The following ZNF385D variants were observed in gnomAD, a reference collection of about 807,000 sequenced individuals.
ZNF385D encodes zinc finger protein 659.
In ZNF385D, 15 loss-of-function variants were observed where a neutral mutation model predicts 35.8. The ratio of observed to expected loss-of-function variants is 0.42; its 90% CI spans 0.28 to 0.64. The LOEUF is 0.64. Among genes scored for constraint, ZNF385D ranks in the 30% least tolerant of loss-of-function variants. The pLI is 0.23. For synonymous variants in ZNF385D, 212 were observed against 186.8 expected (o/e 1.13, Z -1.10); for missense variants, 474 against 494.6 (o/e 0.96, Z 0.39).
chr3:22,327,269 T>G (rs1694722279), intron 2 of ZNF385D, among the ~76,000 whole-genome samples: 2 of 152,218 alleles, frequency 1.3e-5, no homozygotes, highest in South Asian at 4.1e-4. Flanking sequence ...TAAATAAAAC[T>G]TTACCTCCAA....
intron 3 of ZNF385D, among the ~76,000 whole-genome samples, chr3:21,759,545 A>G (rs1390403435): frequency 6.6e-6 from 1 of 152,194 alleles, no homozygotes; most frequent in Non-Finnish European, 1.5e-5. Flanking sequence ...ACAGAAATAT[A>G]ATAATATGCC....
At chr3:21,879,204 G>C (rs1353621457) in intron 3 of ZNF385D, among the ~76,000 whole-genome samples, 1 of 151,932 alleles carries the variant, frequency 6.6e-6, no homozygotes, top group East Asian at 1.9e-4. Flanking sequence ...AAAATCCTGT[G>C]TTTGTCATGT....
At chr3:21,835,188 C>G (rs186923111) in intron 3 of ZNF385D, among the ~76,000 whole-genome samples, 4 of 151,070 alleles carry the variant, frequency 2.6e-5, no homozygotes, top group African/African-American at 9.7e-5. Context: ...AATCAAAAAC[C>G]AAGAGATGCT....
At chr3:21,996,361 A>G (rs956488770) in intron 3 of ZNF385D, among the ~76,000 whole-genome samples, 16 of 152,074 alleles carry the variant, frequency 1.1e-4, no homozygotes, top group African/African-American at 3.9e-4. Flanking sequence ...CGTGACCAGG[A>G]TGGCTGCTTT....
intron 3 of ZNF385D, among the ~76,000 whole-genome samples, chr3:22,010,646 A>T (rs1341616593): frequency 6.6e-6 from 1 of 152,172 alleles, no homozygotes; most frequent in Non-Finnish European, 1.5e-5. Context: ...GTTCCAATGG[A>T]CCTAATACTA....
At chr3:22,000,525 A>C (rs148992864) in intron 3 of ZNF385D, among the ~76,000 whole-genome samples, 175 of 152,274 alleles carry the variant, frequency 1.1e-3, no homozygotes, top group Non-Finnish European at 2.2e-3. Flanking sequence ...ATGGGCAACC[A>C]ACAGCCCTTG....
At chr3:21,873,217 T>A (rs896877207) in intron 3 of ZNF385D, among the ~76,000 whole-genome samples, 6 of 152,128 alleles carry the variant, frequency 3.9e-5, no homozygotes, top group Non-Finnish European at 7.4e-5. Context: ...TATAAGTGTG[T>A]TCATGCAGCA....
intron 1 of ZNF385D, among the ~76,000 whole-genome samples, chr3:21,708,247 C>G (rs1293901536): frequency 1.3e-5 from 2 of 152,198 alleles, no homozygotes; most frequent in African/African-American, 4.8e-5. Flanking sequence ...GCAGCAGTAA[C>G]TGCTAAGAAC....
rs1700590637 is a variant in ZNF385D, at chr3:21,418,051, G to T, written c.*3163C>A. ...CCTGTTTTCTCATAAGAGAAATACA[G>T]TACCTCCCCAATGACTGTTTCCCAT... is the stretch of plus-strand genomic sequence containing the variant. On this transcript the variant is annotated 3_prime_UTR_variant, in exon 8 of 8. Coordinates refer to ENST00000281523, the MANE Select transcript of ZNF385D (RefSeq NM_024697.3). 1 of 152,136 alleles carries T rather than the reference G, an allele frequency of 6.6e-6. No homozygotes were observed. Among genetic ancestry groups the T allele is most frequent in the Non-Finnish European group, 1.5e-5 (1 of 67,992 alleles). The allele number at this position is 152,136 out of a possible 1,614,324, so 9.4% of individuals were successfully genotyped here. A position where few individuals can be genotyped will look rare whatever the true frequency, so the allele number is the denominator to read the frequency against.
chr3:22,210,193 A>C (rs1169373333), intron 2 of ZNF385D, among the ~76,000 whole-genome samples: 1 of 151,906 alleles, frequency 6.6e-6, no homozygotes, highest in East Asian at 1.9e-4. Flanking sequence ...CCATTTAGAG[A>C]GCTGCATTAA....
intron 3 of ZNF385D, among the ~76,000 whole-genome samples, chr3:21,921,969 G>A (rs1048264866): frequency 6.6e-6 from 1 of 152,032 alleles, no homozygotes; most frequent in African/African-American, 2.4e-5. Context: ...AAATTGAGGA[G>A]GAAGCACTTC....
chr3:21,516,967 G>GT lies in ZNF385D; in HGVS notation c.277-5945dup, dbSNP rs552424585. ...AACTGAAATGTTTTTCCCTTTTTTTGTTTTTTTAAAAAAATCTAATTTATT... is the reference window on the plus strand; with the variant it reads ...AACTGAAATGTTTTTCCCTTTTTTTGTTTTTTTTAAAAAAATCTAATTTATT... On this transcript the variant is annotated intron_variant, in intron 3 of 7. Transcript: ENST00000281523. Among the ~76,000 whole-genome samples, 240 of 151,000 alleles carry GT rather than the reference G, an allele frequency of 1.6e-3. 1 individual carries two copies. Among genetic ancestry groups the GT allele is most frequent in the South Asian group, 5.0e-3 (24 of 4,784 alleles).
chr3:21,569,102 A>G (rs1372875868), intron 2 of ZNF385D, among the ~76,000 whole-genome samples: 1 of 152,148 alleles, frequency 6.6e-6, no homozygotes, highest in Non-Finnish European at 1.5e-5. Flanking sequence ...GCTGAGTTCA[A>G]TTCCTGGGTA....
At chr3:21,626,970 G>T (rs1047885567) in intron 2 of ZNF385D, among the ~76,000 whole-genome samples, 1 of 151,878 alleles carries the variant, frequency 6.6e-6, no homozygotes, top group African/African-American at 2.4e-5. Context: ...GTCAGTTAGG[G>T]ATTTGGTGCC....
chr3:22,225,574 CAG>C (rs1381707708), intron 2 of ZNF385D, among the ~76,000 whole-genome samples: 2 of 152,116 alleles, frequency 1.3e-5, no homozygotes, highest in African/African-American at 4.8e-5. Context: ...CACTGGCTCC[CAG>C]AGTTTCTTCA....
chr3:21,487,299 T>TC (rs1368835412), intron 4 of ZNF385D, among the ~76,000 whole-genome samples: 1 of 151,864 alleles, frequency 6.6e-6, no homozygotes, highest in Non-Finnish European at 1.5e-5. Context: ...TAGTGGGTTT[T>TC]TTTTCTAAAT....
rs534943453 is a variant in ZNF385D, at chr3:21,436,762, C to T, written c.673+208G>A. ...TTAATAACACACACATACACACACA[C>T]CATGGACTTCGAGCCCTGGAAACCA... On this transcript the variant is annotated intron_variant, in intron 5 of 7. Transcript: ENST00000281523. The T allele has an allele frequency of 3.8e-5, 22 of 572,348 alleles. No homozygotes were observed. In the South Asian group the frequency reaches 4.5e-4, roughly 12 times the overall value. The allele number at this position is 572,348 out of a possible 1,614,324, so 35.5% of individuals were successfully genotyped here.
chr3:21,963,798 G>A (rs554661551), intron 3 of ZNF385D, among the ~76,000 whole-genome samples: 1 of 152,022 alleles, frequency 6.6e-6, no homozygotes, highest in Non-Finnish European at 1.5e-5. Flanking sequence ...GAATTCTAGA[G>A]ATATAAATTA....
chr3:22,201,045 C>A (rs186258331), intron 2 of ZNF385D, among the ~76,000 whole-genome samples: 1 of 151,998 alleles, frequency 6.6e-6, no homozygotes, highest in Admixed American at 6.6e-5. Flanking sequence ...TCCTCCTCAG[C>A]TGACAAGATT....
Sources: allele counts gnomAD v4.1 joint callset (sites outside exome capture counted in the v4.1 genomes callset), GRCh38; gene constraint gnomAD v4.1.1; transcripts MANE v1.5; gene names NCBI Gene and HGNC (gene_info 2026-07-23, HGNC 2026-07-21).